TMEM163: variants seen among roughly 807,000 people sequenced by gnomAD.
The protein encoded by TMEM163 is transmembrane protein 163.
TMEM163 carries 17 observed loss-of-function variants against 29.3 expected under a neutral mutation model. That is an observed-to-expected ratio of 0.58 (90% CI 0.40 to 0.87). TMEM163 has a LOEUF of 0.87. Among genes scored for constraint, TMEM163 ranks in the 40% least tolerant of loss-of-function variants. The pLI, the probability that TMEM163 is intolerant of heterozygous loss-of-function variation, is 0.00. For synonymous variants in TMEM163, 157 were observed against 160.6 expected, an observed-to-expected ratio of 0.98 and a Z score of 0.17; for missense variants, 303 against 381.5, an observed-to-expected ratio of 0.79 and a Z score of 1.71.
At chr2:134,621,422 TA>T (rs1682730158) in intron 2 of TMEM163, among the ~76,000 whole-genome samples, 1 of 152,212 alleles carries the variant, frequency 6.6e-6, no homozygotes, top group South Asian at 2.1e-4. Context: ...TGACAGTTTC[TA>T]AAAAGGTTAA....
intron 4 of TMEM163, among the ~76,000 whole-genome samples, chr2:134,533,335 T>C (rs1262282015): frequency 1.3e-5 from 2 of 152,074 alleles, no homozygotes; most frequent in South Asian, 4.1e-4. Context: ...CCTATTTTCA[T>C]TACACCTAGT....
chr2:134,542,721 T>C (rs545583532), intron 4 of TMEM163, among the ~76,000 whole-genome samples: 1 of 152,262 alleles, frequency 6.6e-6, no homozygotes, highest in East Asian at 1.9e-4. Flanking sequence ...TGGGGACCAC[T>C]GGCTTAAGCA....
In TMEM163 at chr2:134,666,482, G is replaced by A. The variant is rs116467792; in HGVS notation, c.322+46718C>T. 2.7e-3 allele frequency among the ~76,000 whole-genome samples: 410 copies of A among 152,288 alleles called. 2 individuals are homozygous for A. Among genetic ancestry groups the A allele is most frequent in the African/African-American group, 9.0e-3 (374 of 41,556 alleles). On this transcript the variant is annotated intron_variant, in intron 2 of 7. Transcript: ENST00000281924. ...ATGCCACCTGCTCCGCCTTGAAAGC[G>A]CTTCCGGCTCTCCACCTTCTCCACC...
At chr2:134,656,687 T>A (rs538825981) in intron 2 of TMEM163, among the ~76,000 whole-genome samples, 1 of 152,346 alleles carries the variant, frequency 6.6e-6, no homozygotes, top group Non-Finnish European at 1.5e-5. Flanking sequence ...TCAAGGGGAA[T>A]GGTTGTAGCC....
intron 2 of TMEM163, among the ~76,000 whole-genome samples, chr2:134,655,978 G>T (rs1683598034): frequency 6.9e-6 from 1 of 145,494 alleles, no homozygotes; most frequent in Non-Finnish European, 1.5e-5. Flanking sequence ...ACTTAAGTCT[G>T]CAGAGGTTAC....
chr2:134,588,394 A>G (rs1424133569), intron 2 of TMEM163, among the ~76,000 whole-genome samples: 1 of 152,246 alleles, frequency 6.6e-6, no homozygotes, highest in East Asian at 1.9e-4. Flanking sequence ...ATCATTCATG[A>G]CAGAGAAGCA....
chr2:134,684,783 T>G (rs1227220995), intron 2 of TMEM163, among the ~76,000 whole-genome samples: 1 of 151,754 alleles, frequency 6.6e-6, no homozygotes, highest in Non-Finnish European at 1.5e-5. Context: ...AATTTGCCAG[T>G]GTGGTGGTGG....
chr2:134,492,645 C>T (rs1041240612), intron 5 of TMEM163, among the ~76,000 whole-genome samples: 18 of 152,184 alleles, frequency 1.2e-4, no homozygotes, highest in African/African-American at 4.3e-4. Flanking sequence ...TACCCACCTT[C>T]ACTATTTTGA....
At chr2:134,672,867 C>G (rs1412519210) in intron 2 of TMEM163, among the ~76,000 whole-genome samples, 1 of 152,122 alleles carries the variant, frequency 6.6e-6, no homozygotes, top group East Asian at 1.9e-4. Context: ...GGACTCAGTC[C>G]CAATGCTCTG....
intron 2 of TMEM163, among the ~76,000 whole-genome samples, chr2:134,632,909 ATTTTTTTT>A (rs57488299): frequency 2.5e-5 from 3 of 118,638 alleles, no homozygotes; most frequent in Admixed American, 9.2e-5. Context: ...CACCCAGCTA[ATTTTTTTT>A]TTTTTTTTTT....
At chr2:134,528,810 C>T (rs1361756022) in intron 4 of TMEM163, among the ~76,000 whole-genome samples, 1 of 152,088 alleles carries the variant, frequency 6.6e-6, no homozygotes, top group Non-Finnish European at 1.5e-5. Context: ...TAATCAGACA[C>T]AAGATTGTAT....
intron 2 of TMEM163, among the ~76,000 whole-genome samples, chr2:134,644,375 CG>C (rs556182123): frequency 2.0e-5 from 3 of 152,076 alleles, no homozygotes; most frequent in South Asian, 2.1e-4. Flanking sequence ...TAGAAAGCTA[CG>C]GTAATTAAGA....
chr2:134,515,699 A>C (rs1042959663), intron 4 of TMEM163, among the ~76,000 whole-genome samples: 7 of 152,206 alleles, frequency 4.6e-5, no homozygotes, highest in South Asian at 2.1e-4. Flanking sequence ...GTTAAAGATA[A>C]ATGAAAAACA....
Position 134,718,715 on chromosome 2 carries a change from TC to T in TMEM163, c.202+18del. ...GCAGCCACCCCGGTCGCCGGCCGGG[TC>T]GGGCAGCTCGCGCTCACCTCGGTCC... is the stretch of plus-strand genomic sequence containing the variant. On this transcript the variant is annotated intron_variant, in intron 1 of 7. Coordinates refer to ENST00000281924, the MANE Select transcript of TMEM163 (RefSeq NM_030923.5). 8.7e-7 allele frequency: 1 copy of T among 1,143,652 alleles called. No individual in the cohort carries two copies. The highest frequency in any genetic ancestry group is 1.1e-6 in the Non-Finnish European group (1 of 931,372). The allele number at this position is 1,143,652 out of a possible 1,614,324, so 70.8% of individuals were successfully genotyped here. A position where few individuals can be genotyped will look rare whatever the true frequency, so the allele number is the denominator to read the frequency against.
chr2:134,493,501 G>A (rs1679475866), intron 5 of TMEM163, among the ~76,000 whole-genome samples: 2 of 148,344 alleles, frequency 1.3e-5, no homozygotes, highest in Non-Finnish European at 3.0e-5. Context: ...AGCCTCCCAA[G>A]TAGCTGAGAT....
At chr2:134,541,772 GCACACACACA>G (rs57326163) in intron 4 of TMEM163, among the ~76,000 whole-genome samples, 68 of 150,096 alleles carry the variant, frequency 4.5e-4, no homozygotes, top group East Asian at 2.4e-3. Context: ...GTACACACGT[GCACACACACA>G]CACACACACA....
chr2:134,589,470 C>T (rs1261116943), intron 2 of TMEM163, among the ~76,000 whole-genome samples: 2 of 152,168 alleles, frequency 1.3e-5, no homozygotes, highest in Non-Finnish European at 1.5e-5. Context: ...GACCTCTGGT[C>T]GTCCTCACTG....
At chr2:134,677,712 AAGAGT>A (rs1278078887) in intron 2 of TMEM163, among the ~76,000 whole-genome samples, 1 of 152,252 alleles carries the variant, frequency 6.6e-6, no homozygotes, top group Admixed American at 6.5e-5. Context: ...TGAGATACAG[AAGAGT>A]AGAGGATTAT....
chr2:134,571,436 C>CA (rs1171514804), intron 2 of TMEM163, among the ~76,000 whole-genome samples: 2 of 151,926 alleles, frequency 1.3e-5, no homozygotes, highest in African/African-American at 4.8e-5. Flanking sequence ...TTAAGGGGAA[C>CA]AAACACCTGA....
Sources: allele counts gnomAD v4.1 joint callset (sites outside exome capture counted in the v4.1 genomes callset), GRCh38; gene constraint gnomAD v4.1.1; transcripts MANE v1.5; gene names NCBI Gene and HGNC (gene_info 2026-07-23, HGNC 2026-07-21).